The following CLSTN2 variants were observed in gnomAD, a reference collection of about 807,000 sequenced individuals.
CLSTN2 encodes calsyntenin-2.
CLSTN2 carries 48 observed loss-of-function variants against 101.2 expected under a neutral mutation model. That is an observed-to-expected ratio of 0.47 (90% CI 0.38 to 0.60). The LOEUF (loss-of-function observed/expected upper bound fraction) is 0.60, where lower values mean the gene tolerates loss of function less well. Ranked by LOEUF, CLSTN2 falls within the 20% of genes least tolerant of loss-of-function variation. The probability of loss-of-function intolerance (pLI) is 0.00; values close to 1 mark genes in which losing one functional copy is unlikely to be tolerated. For missense variants in CLSTN2, 1,160 were observed against 1,238.2 expected (o/e 0.94, Z 0.95); for synonymous variants, 481 against 463.6 (o/e 1.04, Z -0.48).
intron 1 of CLSTN2, among the ~76,000 whole-genome samples, chr3:140,174,281 G>A (rs949876681): frequency 1.7e-4 from 26 of 152,052 alleles, no homozygotes; most frequent in Admixed American, 1.5e-3. Context: ...CCTTTGCTCC[G>A]GTTCCCAACA....
intron 1 of CLSTN2, among the ~76,000 whole-genome samples, chr3:139,988,304 CA>C (rs1456837055): frequency 6.6e-6 from 1 of 151,970 alleles, no homozygotes; most frequent in Non-Finnish European, 1.5e-5. Context: ...GGGGGAAAAA[CA>C]GGCAAATTTT....
chr3:140,069,379 G>T (rs1166021246), intron 1 of CLSTN2, among the ~76,000 whole-genome samples: 1 of 152,162 alleles, frequency 6.6e-6, no homozygotes, highest in Non-Finnish European at 1.5e-5. Context: ...GTAGGGCCTG[G>T]ATAGACCTCT....
chr3:140,155,730 T>C (rs1010717652), intron 1 of CLSTN2, among the ~76,000 whole-genome samples: 15 of 152,206 alleles, frequency 9.9e-5, no homozygotes, highest in African/African-American at 2.2e-4. Flanking sequence ...ATCTGGTTCA[T>C]CACACACTTG....
intron 8 of CLSTN2, among the ~76,000 whole-genome samples, chr3:140,497,348 C>T (rs1934489464): frequency 6.6e-6 from 1 of 152,160 alleles, no homozygotes. Context: ...GGAGGCCCCG[C>T]CCAGTCAGGA....
intron 8 of CLSTN2, among the ~76,000 whole-genome samples, chr3:140,522,733 T>C (rs546689865): frequency 7.2e-5 from 11 of 152,356 alleles, no homozygotes; most frequent in South Asian, 4.1e-4. Context: ...ACTAATTTTG[T>C]TCTCAGCTTT....
At chr3:140,545,368 G>T (rs1244296587) in intron 9 of CLSTN2, among the ~76,000 whole-genome samples, 1 of 152,206 alleles carries the variant, frequency 6.6e-6, no homozygotes, top group Non-Finnish European at 1.5e-5. Flanking sequence ...GCAAGAGCCA[G>T]GCATTGGGGA....
chr3:140,138,040 G>T (rs1257385574), intron 1 of CLSTN2, among the ~76,000 whole-genome samples: 1 of 152,188 alleles, frequency 6.6e-6, no homozygotes, highest in Non-Finnish European at 1.5e-5. Context: ...ATAGTGGTCA[G>T]TGCAGCATGG....
At chr3:140,293,112 C>G (rs1250366922) in intron 2 of CLSTN2, among the ~76,000 whole-genome samples, 1 of 152,198 alleles carries the variant, frequency 6.6e-6, no homozygotes, top group Non-Finnish European at 1.5e-5. Context: ...ACAGCATTCC[C>G]AGCCCAGTTG....
At chr3:140,499,738 A>G (rs949989967) in intron 8 of CLSTN2, among the ~76,000 whole-genome samples, 6 of 152,140 alleles carry the variant, frequency 3.9e-5, no homozygotes, top group African/African-American at 1.4e-4. Flanking sequence ...CTTGTTATGC[A>G]TGGGATACAG....
chr3:140,194,072 A>G (rs1174493999), intron 2 of CLSTN2, among the ~76,000 whole-genome samples: 2 of 152,124 alleles, frequency 1.3e-5, no homozygotes, highest in Non-Finnish European at 2.9e-5. Context: ...TTGACCATAC[A>G]TGTGTTTTTA....
In CLSTN2 at chr3:140,558,648, G is replaced by A. The variant is rs1279936593; in HGVS notation, c.1832G>A (p.Gly611Glu). 3.7e-6 allele frequency: 6 copies of A among 1,612,500 alleles called. No individual in the cohort carries two copies. Among genetic ancestry groups the A allele is most frequent in the Non-Finnish European group, 5.1e-6 (6 of 1,178,974 alleles). The change falls in exon 12 of 17, where the codon GGG becomes GAG. Residue 611 changes from glycine to glutamate, a missense_variant. Physicochemically the swap from Gly to Glu is moderately conservative, Grantham distance 98. Coordinates refer to ENST00000458420, the MANE Select transcript of CLSTN2 (RefSeq NM_022131.3). The part of the protein sequence containing the change: ...LKVSSKVQCF[G>E]EDVCISIPEV... ...CGAGAATGTTTTCCCAGGTGCTTTGGGGAAGACGTATGCATCAGTATCCCT... is the reference window on the plus strand; with the variant it reads ...CGAGAATGTTTTCCCAGGTGCTTTGAGGAAGACGTATGCATCAGTATCCCT...
intron 2 of CLSTN2, among the ~76,000 whole-genome samples, chr3:140,268,051 A>G (rs1361975563): frequency 6.6e-6 from 1 of 152,174 alleles, no homozygotes. Flanking sequence ...GGAAAAAAGG[A>G]GGGAAATACA....
intron 5 of CLSTN2, among the ~76,000 whole-genome samples, chr3:140,424,715 A>T (rs1218535066): frequency 2.0e-5 from 3 of 152,200 alleles, no homozygotes; most frequent in African/African-American, 7.2e-5. Flanking sequence ...TTGGCTTTTC[A>T]TGGAGCCAGT....
At chr3:140,362,244 T>C (rs1171849624) in intron 2 of CLSTN2, among the ~76,000 whole-genome samples, 1 of 152,182 alleles carries the variant, frequency 6.6e-6, no homozygotes, top group Admixed American at 6.5e-5. Context: ...ATAGTGCTAG[T>C]ATAATATATC....
intron 1 of CLSTN2, among the ~76,000 whole-genome samples, chr3:140,126,275 G>T (rs2009428380): frequency 6.6e-6 from 1 of 152,030 alleles, no homozygotes. Context: ...TGGCATGGTG[G>T]GGGTGGCTTG....
At chr3:140,118,441 C>A (rs1340126913) in intron 1 of CLSTN2, among the ~76,000 whole-genome samples, 1 of 152,130 alleles carries the variant, frequency 6.6e-6, no homozygotes, top group African/African-American at 2.4e-5. Context: ...CTGCTGGGAC[C>A]ATCTGAGGCA....
chr3:139,941,273 A>G (rs1935123296), intron 1 of CLSTN2, among the ~76,000 whole-genome samples: 1 of 152,078 alleles, frequency 6.6e-6, no homozygotes, highest in South Asian at 2.1e-4. Context: ...TGTAGGACAG[A>G]GGATCATGCT....
chr3:140,205,516 A>T (rs2010769131), intron 2 of CLSTN2, among the ~76,000 whole-genome samples: 1 of 151,804 alleles, frequency 6.6e-6, no homozygotes, highest in African/African-American at 2.4e-5. Flanking sequence ...GGAATATGGG[A>T]GGGAGATTAA....
chr3:140,076,989 T>C (rs1187235241), intron 1 of CLSTN2, among the ~76,000 whole-genome samples: 1 of 152,130 alleles, frequency 6.6e-6, no homozygotes, highest in East Asian at 1.9e-4. Flanking sequence ...TTATCTGTCT[T>C]CTCTACTATG....
Sources: gnomAD v4.1 joint callset for allele counts (sites outside exome capture counted in the v4.1 genomes callset) on GRCh38, gnomAD v4.1.1 for gene constraint, MANE v1.5 for transcripts, NCBI Gene and HGNC (gene_info 2026-07-23, HGNC 2026-07-21) for gene names.